ALDH1A2: variants seen among roughly 807,000 people sequenced by gnomAD.
The protein encoded by ALDH1A2 is aldehyde dehydrogenase 1 family member A2.
In ALDH1A2, 27 loss-of-function variants were observed where a neutral mutation model predicts 60.3. The observed-to-expected ratio is 0.45, with a 90% CI of 0.33 to 0.62. The LOEUF (loss-of-function observed/expected upper bound fraction) is 0.62, where lower values mean the gene tolerates loss of function less well. Among genes scored for constraint, ALDH1A2 ranks in the 20% least tolerant of loss-of-function variants. The pLI, the probability that ALDH1A2 is intolerant of heterozygous loss-of-function variation, is 0.02. For synonymous variants in ALDH1A2, 289 were observed against 232.4 expected, an observed-to-expected ratio of 1.24 and a Z score of -2.21; for missense variants, 581 against 643.8, an observed-to-expected ratio of 0.90 and a Z score of 1.06.
chr15:58,063,968 G>C (rs1897106932), intron 1 of ALDH1A2, among the ~76,000 whole-genome samples: 1 of 116,462 alleles, frequency 8.6e-6, no homozygotes, highest in Non-Finnish European at 2.1e-5. Context: ...AACTGGAAGA[G>C]CTTCCAAATT....
At chr15:58,009,468 G>C (rs1895560203) in intron 4 of ALDH1A2, among the ~76,000 whole-genome samples, 1 of 151,734 alleles carries the variant, frequency 6.6e-6, no homozygotes, top group South Asian at 2.1e-4. Context: ...AGGCCCAAAA[G>C]AGACACTTCG....
At position 57,965,667 on chromosome 15, in the gene ALDH1A2, A is replaced by G. The variant is rs1292556702; in HGVS notation, c.901+58T>C. On this transcript the variant is annotated intron_variant, in intron 8 of 12. Coordinates refer to ENST00000249750, the MANE Select transcript of ALDH1A2 (RefSeq NM_003888.4). ...AGTGTCCCATCAAAAGTGGAGATAT[A>G]AAAGAGAGCACCAAAGGGTGTGTGG... 9.5e-6 allele frequency: 12 copies of G among 1,256,628 alleles called. No homozygotes were observed. In the African/African-American group the frequency reaches 1.2e-4, roughly 12 times the overall value. The allele number at this position is 1,256,628 out of a possible 1,614,324, so 77.8% of individuals were successfully genotyped here. A position where few individuals can be genotyped will look rare whatever the true frequency, so the allele number is the denominator to read the frequency against.
intron 5 of ALDH1A2, among the ~76,000 whole-genome samples, chr15:57,994,153 G>A (rs1894979508): frequency 6.6e-6 from 1 of 152,202 alleles, no homozygotes; most frequent in African/African-American, 2.4e-5. Context: ...CGAGGAAGGT[G>A]ACAGACCTCA....
chr15:57,959,249 G>A (rs1385445906), intron 12 of ALDH1A2, among the ~76,000 whole-genome samples: 1 of 152,200 alleles, frequency 6.6e-6, no homozygotes, highest in Non-Finnish European at 1.5e-5. Flanking sequence ...CAGCATTTCA[G>A]AGACTGGGAG....
chr15:58,057,459 G>T (rs1300343097), intron 1 of ALDH1A2, among the ~76,000 whole-genome samples: 1 of 151,904 alleles, frequency 6.6e-6, no homozygotes, highest in African/African-American at 2.4e-5. Flanking sequence ...AAAGAAATGG[G>T]GGCTTCAATT....
intron 1 of ALDH1A2, among the ~76,000 whole-genome samples, chr15:58,041,382 T>C (rs1896515137): frequency 6.6e-6 from 1 of 151,938 alleles, no homozygotes; most frequent in Non-Finnish European, 1.5e-5. Flanking sequence ...AGGAGCATGA[T>C]AACTTAAAAT....
At chr15:58,038,163 T>G (rs1367857660) in intron 1 of ALDH1A2, among the ~76,000 whole-genome samples, 1 of 151,666 alleles carries the variant, frequency 6.6e-6, no homozygotes, top group African/African-American at 2.4e-5. Context: ...TCTTATCTCT[T>G]TCAACAGTAT....
At position 58,013,887 on chromosome 15, in the gene ALDH1A2, A is replaced by G. The variant is rs1389889849; in HGVS notation, c.334T>C (p.Leu112=). 2 of 1,614,092 alleles carry G rather than the reference A, an allele frequency of 1.2e-6. No individual in the cohort carries two copies. The highest frequency in any genetic ancestry group is 1.7e-5 in the Admixed American group (1 of 60,000). The part of the protein sequence containing the change: ...RGRLLDKLAD[L]VERDRAVLAT... ...AGAACTGCCCTGTCCCGTTCCACCA[A>G]GTCTGCAAGCTTATCCAACAGACGT... Residue 112 remains leucine, a synonymous_variant, in exon 3 of 13, where the codon TTG becomes CTG. Coordinates refer to ENST00000249750, the MANE Select transcript of ALDH1A2 (RefSeq NM_003888.4).
At chr15:57,960,716 G>A in intron 12 of ALDH1A2, 54 bp downstream of exon 12, 1 of 1,454,918 alleles carries the variant, frequency 6.9e-7, no homozygotes. Context: ...GTACTGCTCT[G>A]TGCTGATATT....
intron 4 of ALDH1A2, among the ~76,000 whole-genome samples, chr15:58,007,703 T>C (rs1235876383): frequency 4.6e-5 from 7 of 151,542 alleles, no homozygotes; most frequent in Non-Finnish European, 1.0e-4. Context: ...ATTCCCAACA[T>C]AAAATTAGGT....
At chr15:58,030,151 G>A (rs1896194252) in intron 1 of ALDH1A2, among the ~76,000 whole-genome samples, 1 of 152,100 alleles carries the variant, frequency 6.6e-6, no homozygotes, top group African/African-American at 2.4e-5. Flanking sequence ...TAAAATACTG[G>A]CAAACCAAAT....
At chr15:57,978,928 T>TG (rs1246399443) in intron 7 of ALDH1A2, among the ~76,000 whole-genome samples, 61 of 152,060 alleles carry the variant, frequency 4.0e-4, no homozygotes, top group African/African-American at 1.3e-3. Context: ...CCCAGATACT[T>TG]GGGGGGCTGA....
At chr15:58,064,115 T>A (rs1230715647) in intron 1 of ALDH1A2, among the ~76,000 whole-genome samples, 1 of 122,880 alleles carries the variant, frequency 8.1e-6, no homozygotes, top group African/African-American at 3.1e-5. Context: ...AGATCTTCCA[T>A]TTTAAGACCT....
intron 8 of ALDH1A2, 59 bp downstream of exon 8, chr15:57,965,666 T>A (rs544879752): frequency 8.1e-6 from 10 of 1,242,050 alleles, no homozygotes; most frequent in South Asian, 2.4e-5. Flanking sequence ...AGTGGAGATA[T>A]AAAAGAGAGC....
chr15:57,990,499 A>G (rs1894856646), intron 7 of ALDH1A2: 1 of 152,226 alleles, frequency 6.6e-6, no homozygotes, highest in Non-Finnish European at 1.5e-5. Flanking sequence ...GCTGTTAAAA[A>G]TAAATGCCGG....
At chr15:58,064,715 C>G (rs1897127629) in intron 1 of ALDH1A2, among the ~76,000 whole-genome samples, 1 of 152,152 alleles carries the variant, frequency 6.6e-6, no homozygotes, top group Non-Finnish European at 1.5e-5. Context: ...AATACCCCTA[C>G]GTTTGTAATC....
At chr15:58,020,650 C>T (rs569653154) in intron 1 of ALDH1A2, among the ~76,000 whole-genome samples, 75 of 152,232 alleles carry the variant, frequency 4.9e-4, no homozygotes, top group African/African-American at 1.8e-3. Flanking sequence ...ACCCACCCTG[C>T]CACTAGAGGT....
intron 7 of ALDH1A2, among the ~76,000 whole-genome samples, chr15:57,979,021 A>G (rs1403155032): frequency 6.6e-6 from 1 of 152,062 alleles, no homozygotes; most frequent in Non-Finnish European, 1.5e-5. Flanking sequence ...GGCAACAACT[A>G]CTAAGAAAAA....
chr15:57,990,572 A>T (rs951155042), intron 7 of ALDH1A2: 6 of 152,160 alleles, frequency 3.9e-5, no homozygotes, highest in African/African-American at 1.4e-4. Context: ...TGTCATTTTT[A>T]ATTTAAAAAG....
Sources: gnomAD v4.1 joint callset for allele counts (sites outside exome capture counted in the v4.1 genomes callset) on GRCh38, gnomAD v4.1.1 for gene constraint, MANE v1.5 for transcripts, NCBI Gene and HGNC (gene_info 2026-07-23, HGNC 2026-07-21) for gene names.